TPTE: variants seen among roughly 807,000 people sequenced by gnomAD.
TPTE encodes putative tyrosine-protein phosphatase TPTE.
A neutral mutation model predicts 84.1 loss-of-function variants in TPTE; 59 were observed. That is an observed-to-expected ratio of 0.70 (90% CI 0.57 to 0.87). TPTE has a LOEUF of 0.87. TPTE is among the 40% of genes least tolerant of loss of function. The probability of loss-of-function intolerance (pLI) is 0.00; values close to 1 mark genes in which losing one functional copy is unlikely to be tolerated. For missense variants in TPTE, 382 were observed against 659.6 expected (o/e 0.58, Z 4.61); for synonymous variants, 130 against 223.5 (o/e 0.58, Z 3.73).
chr21:10,523,488 C>A (rs2074023102), intron 1 of TPTE, among the ~76,000 whole-genome samples: 1 of 141,570 alleles, frequency 7.1e-6, no homozygotes, highest in African/African-American at 2.6e-5. Context: ...GTGTGATGTT[C>A]CCCTTCCTGG....
chr21:10,562,354 A>ATTG (rs2074825646), intron 10 of TPTE, among the ~76,000 whole-genome samples: 1 of 152,310 alleles, frequency 6.6e-6, no homozygotes, highest in African/African-American at 2.4e-5. Flanking sequence ...CAGACACCAA[A>ATTG]GAACATCTGC....
chr21:10,569,979 C>T (rs796413127), intron 13 of TPTE, among the ~76,000 whole-genome samples: 145 of 152,022 alleles, frequency 9.5e-4, no homozygotes, highest in African/African-American at 3.4e-3. Context: ...GGATTTTCAG[C>T]TGACTCCATT....
chr21:10,536,662 G>A (rs1188965716), intron 3 of TPTE, among the ~76,000 whole-genome samples: 1 of 152,208 alleles, frequency 6.6e-6, no homozygotes, highest in African/African-American at 2.4e-5. Flanking sequence ...ATCATCTATG[G>A]CCATACAGAA....
chr21:10,599,864 T>A (rs1363973343), intron 21 of TPTE, among the ~76,000 whole-genome samples: 1 of 152,302 alleles, frequency 6.6e-6, no homozygotes, highest in Non-Finnish European at 1.5e-5. Context: ...CCTTTCCTTT[T>A]TTTTTTTTCT....
intron 20 of TPTE, among the ~76,000 whole-genome samples, chr21:10,596,534 TC>T (rs2075592424): frequency 6.6e-6 from 1 of 152,310 alleles, no homozygotes; most frequent in South Asian, 2.1e-4. Flanking sequence ...GCATTTTTTT[TC>T]TCATCACCCT....
intron 1 of TPTE, among the ~76,000 whole-genome samples, chr21:10,523,796 C>T (rs1251339143): frequency 6.6e-6 from 1 of 152,308 alleles, no homozygotes; most frequent in Non-Finnish European, 1.5e-5. Flanking sequence ...GATTTATAGT[C>T]CTTTGGGTAT....
At chr21:10,578,951 T>C (rs1161205699) in intron 17 of TPTE, among the ~76,000 whole-genome samples, 1 of 152,310 alleles carries the variant, frequency 6.6e-6, no homozygotes, top group Non-Finnish European at 1.5e-5. Flanking sequence ...AGAGTACTGT[T>C]ATTTAAGGCT....
At chr21:10,524,733 G>C (rs1170476206) in intron 2 of TPTE, 45 bp downstream of exon 2, 2 of 152,786 alleles carry the variant, frequency 1.3e-5, no homozygotes, top group Non-Finnish European at 2.9e-5. Context: ...CAGAAATCCA[G>C]CTCTGCCTTG....
intron 21 of TPTE, among the ~76,000 whole-genome samples, chr21:10,600,713 G>C (rs1978373152): frequency 6.6e-6 from 1 of 152,310 alleles, no homozygotes; most frequent in Non-Finnish European, 1.5e-5. Flanking sequence ...AACTGAGTCT[G>C]CACCCCCTTT....
chr21:10,542,865 T>C (rs1306520065), intron 6 of TPTE, among the ~76,000 whole-genome samples: 4 of 152,308 alleles, frequency 2.6e-5, no homozygotes, highest in African/African-American at 9.6e-5. Flanking sequence ...CTTCTTCCTG[T>C]AATGTATTTG....
At chr21:10,531,903 T>G (rs2074184862) in intron 3 of TPTE, among the ~76,000 whole-genome samples, 1 of 152,310 alleles carries the variant, frequency 6.6e-6, no homozygotes, top group Admixed American at 6.5e-5. Flanking sequence ...ATTTTCCAAA[T>G]ACCATCTATG....
At chr21:10,588,911 T>C (rs973583248) in intron 17 of TPTE, among the ~76,000 whole-genome samples, 1 of 152,300 alleles carries the variant, frequency 6.6e-6, no homozygotes, top group African/African-American at 2.4e-5. Flanking sequence ...CCCGGATTGA[T>C]GTAGAAGTTT....
chr21:10,540,340 C>T (rs2074346341), intron 4 of TPTE, among the ~76,000 whole-genome samples: 1 of 152,304 alleles, frequency 6.6e-6, no homozygotes, highest in African/African-American at 2.4e-5. Context: ...GAAACTATTT[C>T]TAGAGTCCTC....
chr21:10,561,624 G>A (rs750475397), intron 10 of TPTE, among the ~76,000 whole-genome samples: 1 of 152,302 alleles, frequency 6.6e-6, no homozygotes, highest in Non-Finnish European at 1.5e-5. Flanking sequence ...TGTGTTTGAG[G>A]TGGCCATGGA....
At position 10,605,468 on chromosome 21, in the gene TPTE, G is replaced by A. The variant is rs210498; in HGVS notation, c.1572G>A (p.Arg524=). ...ELDNLHKQKA[R]RIYPSDFAVE... is the part of the protein sequence containing the mutation. ...ATAATCTACATAAACAAAAAGCACG[G>A]AGAATTTATCCATCAGATTTTGCCG... Residue 524 remains arginine (R), a synonymous_variant, in exon 24 of 24, where the codon CGG becomes CGA. Transcript: ENST00000618007. 103,714 of 1,399,030 alleles carry A rather than the reference G, an allele frequency of 0.074. 46 individuals carry two copies. The highest frequency in any genetic ancestry group is 0.42 in the African/African-American group (24,246 of 57,738). The allele number at this position is 1,399,030 out of a possible 1,614,324, so 86.7% of individuals were successfully genotyped here.
At chr21:10,537,390 A>T (rs1296246520) in intron 3 of TPTE, among the ~76,000 whole-genome samples, 2 of 152,310 alleles carry the variant, frequency 1.3e-5, no homozygotes. Flanking sequence ...GACAGAAATA[A>T]TATAGAGGCT....
chr21:10,532,292 C>CATTTA (rs2074191965), intron 3 of TPTE, among the ~76,000 whole-genome samples: 1 of 152,302 alleles, frequency 6.6e-6, no homozygotes, highest in Admixed American at 6.5e-5. Context: ...TAAGTTTTCA[C>CATTTA]ATTTATTAGC....
chr21:10,559,751 A>G (rs1288980178), intron 9 of TPTE, among the ~76,000 whole-genome samples: 2 of 152,302 alleles, frequency 1.3e-5, no homozygotes, highest in Non-Finnish European at 2.9e-5. Context: ...GTGGGTGCCT[A>G]TAATCCCAGC....
At chr21:10,601,505 A>G (rs1978503346) in intron 21 of TPTE, among the ~76,000 whole-genome samples, 1 of 152,294 alleles carries the variant, frequency 6.6e-6, no homozygotes, top group African/African-American at 2.4e-5. Flanking sequence ...TCAAACAAAA[A>G]AAAAAGAAAA....
Sources: allele counts gnomAD v4.1 joint callset (sites outside exome capture counted in the v4.1 genomes callset), GRCh38; gene constraint gnomAD v4.1.1; transcripts MANE v1.5; gene names NCBI Gene and HGNC (gene_info 2026-07-23, HGNC 2026-07-21).